Variants in ALK observed in about 807,000 individuals in gnomAD.
The protein encoded by ALK is ALK tyrosine kinase receptor.
In ALK, 74 loss-of-function variants were observed where a neutral mutation model predicts 163.1. That is an observed-to-expected ratio of 0.45 (90% confidence interval 0.38 to 0.55). ALK has a LOEUF of 0.55. ALK is among the 20% of genes least tolerant of loss of function. The pLI, the probability that ALK is intolerant of heterozygous loss-of-function variation, is 0.00. For missense variants in ALK, 2,063 were observed against 2,105.3 expected (o/e 0.98, Z 0.39); for synonymous variants, 960 against 843.2 (o/e 1.14, Z -2.40).
chr2:29,230,338 C>T (rs1004081310), intron 15 of ALK, among the ~76,000 whole-genome samples: 12 of 150,224 alleles, frequency 8.0e-5, no homozygotes, highest in African/African-American at 2.7e-4. Context: ...TTGAATCCCA[C>T]GAACGCAGAA....
intron 4 of ALK, among the ~76,000 whole-genome samples, chr2:29,468,978 A>G (rs1202802773): frequency 1.3e-5 from 2 of 152,060 alleles, no homozygotes; most frequent in Non-Finnish European, 2.9e-5. Flanking sequence ...GACTTTGGCA[A>G]TGACCTTGAG....
rs779515896 is a variant in ALK at position 29,251,217 on chromosome 2, G to A, written c.2092C>T (p.Gln698Ter). ...CGASGPHGPTQAQCNNAYQNS... is the reference protein window; with the variant it reads ...CGASGPHGPT ...TGGTAGGCGTTGTTGCACTGTGCCT[G>A]GGTGGGGCCATGGGGCCCGCTGGCC... is the stretch of plus-strand genomic sequence containing the variant. Residue 698 changes from glutamine to a stop codon, truncating the protein, a stop_gained, in exon 12 of 29, where the codon CAG becomes TAG. Transcript: ENST00000389048. LOFTEE classifies it high-confidence loss of function. 2.5e-6 allele frequency: 4 copies of A among 1,614,010 alleles called. No homozygotes were observed. Among genetic ancestry groups the A allele is most frequent in the African/African-American group, 1.3e-5 (1 of 74,946 alleles).
At chr2:29,835,108 T>G (rs1258812982) in intron 1 of ALK, among the ~76,000 whole-genome samples, 2 of 152,196 alleles carry the variant, frequency 1.3e-5, no homozygotes, top group Non-Finnish European at 2.9e-5. Context: ...ACCCATGTCT[T>G]TTTGTGCAGC....
At chr2:29,726,858 A>G (rs976286858) in intron 1 of ALK, among the ~76,000 whole-genome samples, 1 of 152,200 alleles carries the variant, frequency 6.6e-6, no homozygotes, top group Non-Finnish European at 1.5e-5. Flanking sequence ...CTCGGAAAGC[A>G]CAAATGCCCA....
chr2:29,720,621 C>T (rs887722203), intron 1 of ALK, among the ~76,000 whole-genome samples: 6 of 152,268 alleles, frequency 3.9e-5, no homozygotes, highest in Admixed American at 2.6e-4. Context: ...AAATCGGAAG[C>T]ATTGGAACAG....
intron 5 of ALK, among the ~76,000 whole-genome samples, chr2:29,348,486 T>C (rs541587781): frequency 6.6e-6 from 1 of 152,346 alleles, no homozygotes; most frequent in Non-Finnish European, 1.5e-5. Context: ...CTTGTATCAA[T>C]AGTGTCATTC....
chr2:29,534,543 T>C (rs778329478), intron 3 of ALK, among the ~76,000 whole-genome samples: 15 of 152,202 alleles, frequency 9.9e-5, no homozygotes, highest in African/African-American at 3.6e-4. Context: ...AACTGTGTCC[T>C]GGTCTGAGAC....
intron 1 of ALK, among the ~76,000 whole-genome samples, chr2:29,882,363 A>G (rs984585071): frequency 6.6e-6 from 1 of 152,248 alleles, no homozygotes; most frequent in African/African-American, 2.4e-5. Context: ...ATAAACCATT[A>G]CAGTGAGTTA....
At chr2:29,888,381 T>C (rs1050344361) in intron 1 of ALK, among the ~76,000 whole-genome samples, 4 of 152,038 alleles carry the variant, frequency 2.6e-5, no homozygotes, top group South Asian at 2.1e-4. Context: ...AATATAAACA[T>C]CAAGATAAAA....
intron 4 of ALK, among the ~76,000 whole-genome samples, chr2:29,498,790 C>A (rs1672096089): frequency 6.6e-6 from 1 of 152,210 alleles, no homozygotes; most frequent in South Asian, 2.1e-4. Flanking sequence ...AGGGCTTTCA[C>A]TTTTTCCTAA....
At chr2:29,626,678 G>C (rs1221747151) in intron 3 of ALK, among the ~76,000 whole-genome samples, 3 of 152,162 alleles carry the variant, frequency 2.0e-5, no homozygotes, top group African/African-American at 7.2e-5. Flanking sequence ...TGACAAGGTG[G>C]CCATATGCAA....
intron 1 of ALK, among the ~76,000 whole-genome samples, chr2:29,874,008 A>C (rs1666641515): frequency 1.3e-5 from 2 of 152,074 alleles, no homozygotes; most frequent in Admixed American, 6.5e-5. Context: ...CGGTTCCATA[A>C]AGGATCCTCC....
At chr2:29,780,420 T>C (rs778036020) in intron 1 of ALK, among the ~76,000 whole-genome samples, 1 of 152,224 alleles carries the variant, frequency 6.6e-6, no homozygotes, top group Non-Finnish European at 1.5e-5. Context: ...CTGCATGGCG[T>C]GGGCCTCCCA....
At chr2:29,459,227 T>C (rs1025664285) in intron 4 of ALK, among the ~76,000 whole-genome samples, 1 of 143,804 alleles carries the variant, frequency 7.0e-6, no homozygotes, top group African/African-American at 2.5e-5. Flanking sequence ...GTTCACTCCT[T>C]AATTTACCGA....
intron 1 of ALK, among the ~76,000 whole-genome samples, chr2:29,909,699 T>G (rs1164689558): frequency 6.6e-6 from 1 of 152,216 alleles, no homozygotes; most frequent in East Asian, 1.9e-4. Flanking sequence ...GAAATGTTTT[T>G]TAAGTGTGTA....
At position 29,560,342 on chromosome 2, in the gene ALK, C is replaced by T. The variant is rs117863653; in HGVS notation, c.953-28226G>A. On this transcript the variant is annotated intron_variant, in intron 3 of 28. Coordinates refer to ENST00000389048, the MANE Select transcript of ALK (RefSeq NM_004304.5). ...AAAACACTAGGCTAAATGAAAGAAGCTAGACACAAAAGACCATGTATTTTA... is the reference window on the plus strand; with the variant it reads ...AAAACACTAGGCTAAATGAAAGAAGTTAGACACAAAAGACCATGTATTTTA... Among the ~76,000 whole-genome samples, 3 of 152,216 alleles carry T rather than the reference C, an allele frequency of 2.0e-5. No individual in the cohort carries two copies. The East Asian group carries it at 5.8e-4, about 29-fold the overall frequency.
chr2:29,625,118 T>C (rs1037218263), intron 3 of ALK, among the ~76,000 whole-genome samples: 2 of 152,216 alleles, frequency 1.3e-5, no homozygotes, highest in African/African-American at 4.8e-5. Flanking sequence ...TGTGTGGGAT[T>C]CAAGGAAGAG....
At chr2:29,879,413 C>G (rs117677758) in intron 1 of ALK, among the ~76,000 whole-genome samples, 1 of 152,342 alleles carries the variant, frequency 6.6e-6, no homozygotes, top group East Asian at 1.9e-4. Context: ...GTCAACTGAA[C>G]TAACTTGTAA....
intron 28 of ALK, among the ~76,000 whole-genome samples, chr2:29,195,342 CAGTTCACTCACGTG>C (rs1374708663): frequency 6.6e-6 from 1 of 152,090 alleles, no homozygotes; most frequent in African/African-American, 2.4e-5. Flanking sequence ...ATAAAAATGC[CAGTTCACTCACGTG>C]AGCTGAAAGG....
Sources: gnomAD v4.1 joint callset for allele counts (sites outside exome capture counted in the v4.1 genomes callset) on GRCh38, gnomAD v4.1.1 for gene constraint, MANE v1.5 for transcripts, NCBI Gene and HGNC (gene_info 2026-07-23, HGNC 2026-07-21) for gene names.